Variants in SMARCA5 observed in about 807,000 individuals in gnomAD.
The protein encoded by SMARCA5 is SNF2 related chromatin remodeling ATPase 5.
Under a neutral mutation model 140.4 loss-of-function variants are expected in SMARCA5, and 18 were observed. The ratio of observed to expected loss-of-function variants is 0.13; its 90% CI spans 0.09 to 0.19. The LOEUF (loss-of-function observed/expected upper bound fraction) is 0.19. SMARCA5 is among the 10% of genes least tolerant of loss of function. The pLI, the probability that SMARCA5 is intolerant of heterozygous loss-of-function variation, is 1.00. For synonymous variants in SMARCA5, 449 were observed against 419.6 expected, an observed-to-expected ratio of 1.07 and a Z score of -0.86; for missense variants, 606 against 1,276.8, an observed-to-expected ratio of 0.47 and a Z score of 8.01.
chr4:143,547,507 A>G lies in SMARCA5; in HGVS notation c.2772+4A>G. The G allele has an allele frequency of 6.7e-7, 1 of 1,481,820 alleles. No homozygotes were observed. Among genetic ancestry groups the G allele is most frequent in the South Asian group, 1.1e-5 (1 of 87,906 alleles). 91.8% of individuals were successfully genotyped at this position (1,481,820 alleles called of 1,614,324 possible). On this transcript the variant is annotated splice_donor_region_variant and intron_variant, in intron 21 of 23. Coordinates refer to ENST00000283131, the MANE Select transcript of SMARCA5 (RefSeq NM_003601.4). ...CAAGAAAGCACTTGACACAAAGGTAATTTGCTTGTTAATAAGTTAGGTAGT... is the reference window on the plus strand; with the variant it reads ...CAAGAAAGCACTTGACACAAAGGTAGTTTGCTTGTTAATAAGTTAGGTAGT...
chr4:143,545,030 C>T (rs1737495821), intron 17 of SMARCA5, among the ~76,000 whole-genome samples, 183 bp downstream of exon 17: 1 of 151,248 alleles, frequency 6.6e-6, no homozygotes, highest in Non-Finnish European at 1.5e-5. Flanking sequence ...GCAACCTCCG[C>T]CTCCCGGGTT....
chr4:143,549,615 G>A (rs140179286), intron 22 of SMARCA5, among the ~76,000 whole-genome samples: 2 of 152,182 alleles, frequency 1.3e-5, no homozygotes, highest in East Asian at 3.9e-4. Context: ...TAAAGTTCTT[G>A]TTGTTTTTGA....
rs2149826731 is a variant in SMARCA5, at chr4:143,554,534, A to G, written c.*1350A>G. ...GAAGATTTAAAAAAAAAATTTTGAT[A>G]CCTGCAGTATTACTAATACTGCTTA... is the stretch of plus-strand genomic sequence containing the variant. On this transcript the variant is annotated 3_prime_UTR_variant, in exon 24 of 24. Coordinates refer to ENST00000283131, the MANE Select transcript of SMARCA5 (RefSeq NM_003601.4). 6.6e-6 allele frequency: 1 copy of G among 152,258 alleles called. No homozygotes were observed. The highest frequency in any genetic ancestry group is 3.4e-3 in the Middle Eastern group (1 of 294). The allele number at this position is 152,258 out of a possible 1,614,324, so 9.4% of individuals were successfully genotyped here.
chr4:143,538,736 TA>T, intron 12 of SMARCA5, 25 bp downstream of exon 12: 2 of 1,612,688 alleles, frequency 1.2e-6, no homozygotes, highest in South Asian at 1.1e-5. Context: ...GGGAGGGAGA[TA>T]AAAAAGAATC....
chr4:143,553,572 G>A lies in SMARCA5; in HGVS notation c.*388G>A. On this transcript the variant is annotated 3_prime_UTR_variant, in exon 24 of 24. Coordinates refer to ENST00000283131, the MANE Select transcript of SMARCA5 (RefSeq NM_003601.4). ...TGTCCCTTTCAGTCTTCACCTAGTT[G>A]TGTAATTATTTTAATTCACTTTGCC... The A allele has an allele frequency of 6.2e-6, 1 of 161,448 alleles. No individual in the cohort carries two copies. Among genetic ancestry groups the A allele is most frequent in the African/African-American group, 2.4e-5 (1 of 41,724 alleles). 10.0% of individuals were successfully genotyped at this position (161,448 alleles called of 1,614,324 possible).
At chr4:143,536,700 T>G (rs1251897973) in intron 11 of SMARCA5, 22 bp downstream of exon 11, 1 of 1,516,622 alleles carries the variant, frequency 6.6e-7, no homozygotes, top group African/African-American at 1.4e-5. Flanking sequence ...CCGTATCAAA[T>G]TATCAAAACT....
At chr4:143,540,620 G>C (rs1737408949) in intron 14 of SMARCA5, 125 bp downstream of exon 14, 2 of 816,752 alleles carry the variant, frequency 2.4e-6, no homozygotes, top group Admixed American at 2.6e-5. Flanking sequence ...CAGTAGAGAT[G>C]ACTTGTATTG....
At chr4:143,551,548 A>G (rs1274996479) in intron 23 of SMARCA5, among the ~76,000 whole-genome samples, 1 of 152,110 alleles carries the variant, frequency 6.6e-6, no homozygotes, top group Non-Finnish European at 1.5e-5. Context: ...TAAAGTCTTT[A>G]ATACATTTTG....
rs944052045 is a variant in SMARCA5 at position 143,547,513 on chromosome 4, T to C, written c.2772+10T>C. ...AGCACTTGACACAAAGGTAATTTGCTTGTTAATAAGTTAGGTAGTTAATAA... is the reference window on the plus strand; with the variant it reads ...AGCACTTGACACAAAGGTAATTTGCCTGTTAATAAGTTAGGTAGTTAATAA... On this transcript the variant is annotated intron_variant, in intron 21 of 23. Coordinates refer to ENST00000283131, the MANE Select transcript of SMARCA5 (RefSeq NM_003601.4). 3.5e-6 allele frequency: 5 copies of C among 1,419,362 alleles called. No homozygotes were observed. Among genetic ancestry groups the C allele is most frequent in the Non-Finnish European group, 5.0e-6 (5 of 1,004,036 alleles). 87.9% of individuals were successfully genotyped at this position (1,419,362 alleles called of 1,614,324 possible). A position where few individuals can be genotyped will look rare whatever the true frequency, so the allele number is the denominator to read the frequency against.
Position 143,521,578 on chromosome 4 carries a change from C to T in SMARCA5, c.402C>T (p.Asn134=). ...RPRIKKDEKQ[N]LLSVGDYRHR... ...GAATAAAAAAAGATGAGAAGCAGAA[C>T]TTACTATCCGTTGGCGAGTGAGTAA... is the stretch of plus-strand genomic sequence containing the variant. The change falls in exon 3 of 24, where the codon AAC becomes AAT. Residue 134 remains asparagine (N), a synonymous_variant. Coordinates refer to ENST00000283131, the MANE Select transcript of SMARCA5 (RefSeq NM_003601.4). 2.5e-6 allele frequency: 4 copies of T among 1,612,708 alleles called. No individual in the cohort carries two copies. Among genetic ancestry groups the T allele is most frequent in the Non-Finnish European group, 3.4e-6 (4 of 1,179,540 alleles).
At chr4:143,547,703 C>T (rs1200342287) in intron 21 of SMARCA5, among the ~76,000 whole-genome samples, 200 bp downstream of exon 21, 1 of 151,878 alleles carries the variant, frequency 6.6e-6, no homozygotes, top group Admixed American at 6.6e-5. Flanking sequence ...CTAAGATTAG[C>T]TTTTTACTAA....
chr4:143,536,596 T>A lies in SMARCA5; in HGVS notation c.1413T>A (p.Pro471=), dbSNP rs1224121173. The part of the protein sequence containing the change: ...YLFDGAEPGP[P]YTTDMHLVTN... ...TTGATGGAGCAGAACCTGGTCCACC[T>A]TATACAACAGATATGCATCTAGTAA... The change falls in exon 11 of 24, where the codon CCT becomes CCA. Residue 471 remains proline, a synonymous_variant. Transcript: ENST00000283131. The A allele has an allele frequency of 6.2e-7, 1 of 1,613,728 alleles. No individual in the cohort carries two copies. The highest frequency in any genetic ancestry group is 1.3e-5 in the African/African-American group (1 of 75,016).
intron 23 of SMARCA5, among the ~76,000 whole-genome samples, chr4:143,550,984 A>C (rs1304666595): frequency 6.6e-6 from 1 of 152,032 alleles, no homozygotes; most frequent in Non-Finnish European, 1.5e-5. Context: ...AGGAACCTTC[A>C]AACTGCTTCC....
intron 6 of SMARCA5, 116 bp downstream of exon 6, chr4:143,526,576 T>C (rs113519863): frequency 0.036 from 24,877 of 692,572 alleles, 560 homozygotes; most frequent in Non-Finnish European, 0.046. Flanking sequence ...AATATTAGTA[T>C]TTACAAATGT....
chr4:143,521,377 G>C, intron 2 of SMARCA5, 52 bp from the exon 3 acceptor site: 1 of 1,345,724 alleles, frequency 7.4e-7, no homozygotes, highest in East Asian at 2.4e-5. Flanking sequence ...TTTGATTTCT[G>C]AAGTTTTAAT....
At chr4:143,539,875 CAG>C (rs747542177) in intron 13 of SMARCA5, among the ~76,000 whole-genome samples, 4 of 151,996 alleles carry the variant, frequency 2.6e-5, no homozygotes, top group South Asian at 2.1e-4. Flanking sequence ...CTAAGGGTGA[CAG>C]GGGAAAATGG....
At chr4:143,551,623 A>G (rs1254331674) in intron 23 of SMARCA5, among the ~76,000 whole-genome samples, 3 of 151,920 alleles carry the variant, frequency 2.0e-5, no homozygotes, top group East Asian at 1.9e-4. Flanking sequence ...TGGATATCCA[A>G]TTTTCCCATT....
At chr4:143,521,376 T>C in intron 2 of SMARCA5, 53 bp from the exon 3 acceptor site, 1 of 1,362,002 alleles carries the variant, frequency 7.3e-7, no homozygotes, top group Non-Finnish European at 1.0e-6. Flanking sequence ...CTTTGATTTC[T>C]GAAGTTTTAA....
At chr4:143,530,422 C>A (rs538662283) in intron 8 of SMARCA5, 36 bp from the exon 9 acceptor site, 42 of 1,396,564 alleles carry the variant, frequency 3.0e-5, no homozygotes, top group Middle Eastern at 1.8e-4. Context: ...TTAATATTAT[C>A]TCTGATCTGA....
Sources: gnomAD v4.1 joint callset for allele counts (sites outside exome capture counted in the v4.1 genomes callset) on GRCh38, gnomAD v4.1.1 for gene constraint, MANE v1.5 for transcripts, NCBI Gene and HGNC (gene_info 2026-07-23, HGNC 2026-07-21) for gene names.